PFKP: variants seen among roughly 807,000 people sequenced by gnomAD.
PFKP encodes the protein ATP-dependent 6-phosphofructokinase, platelet type.
Under a neutral mutation model 94.3 loss-of-function variants are expected in PFKP, and 101 were observed. The observed-to-expected ratio is 1.07, with a 90% CI of 0.91 to 1.26. The LOEUF (loss-of-function observed/expected upper bound fraction) is 1.26. Ranked by LOEUF, PFKP falls within the 50% of genes most tolerant of loss-of-function variation. The pLI, the probability that PFKP is intolerant of heterozygous loss-of-function variation, is 0.00. For synonymous variants in PFKP, 573 were observed against 432.6 expected, an observed-to-expected ratio of 1.32 and a Z score of -4.03; for missense variants, 1,145 against 1,103.3, an observed-to-expected ratio of 1.04 and a Z score of -0.53.
chr10:3,135,935 T>G (rs1588594396), intron 21 of PFKP, 97 bp downstream of exon 21: 1 of 745,672 alleles, frequency 1.3e-6, no homozygotes, highest in South Asian at 1.6e-5. Flanking sequence ...CATTCAGGGG[T>G]TTGAGGAACT....
intron 17 of PFKP, among the ~76,000 whole-genome samples, chr10:3,130,531 T>C (rs1428144126): frequency 6.6e-6 from 1 of 152,216 alleles, no homozygotes; most frequent in Non-Finnish European, 1.5e-5. Context: ...TCATGCAAGA[T>C]GACAGGCCTT....
At chr10:3,126,128 A>C (rs1837919761) in intron 16 of PFKP, among the ~76,000 whole-genome samples, 1 of 152,210 alleles carries the variant, frequency 6.6e-6, no homozygotes, top group African/African-American at 2.4e-5. Flanking sequence ...AGTTCAGCTT[A>C]GCACAGAACC....
chr10:3,097,092 C>A (rs113496784), intron 2 of PFKP, among the ~76,000 whole-genome samples: 19,404 of 88,032 alleles, frequency 0.22, 3,842 homozygotes, highest in Non-Finnish European at 0.25. Flanking sequence ...AAACAAAAAA[C>A]AAAAAAACCT....
At chr10:3,107,754 A>G (rs1048883900) in intron 8 of PFKP, 8 of 985,348 alleles carry the variant, frequency 8.1e-6, no homozygotes, top group Non-Finnish European at 9.6e-6. Context: ...ATTCTTACAA[A>G]GCCACTGTGT....
intron 14 of PFKP, among the ~76,000 whole-genome samples, chr10:3,118,375 C>T (rs533957833): frequency 2.0e-5 from 3 of 151,922 alleles, no homozygotes; most frequent in East Asian, 1.9e-4. Context: ...GGCTGAGGCA[C>T]GAGAATCACT....
Position 3,109,272 on chromosome 10 carries a change from T to C in PFKP, c.964-83T>C, listed in dbSNP as rs551941277. ...GGCTGTGAGCACCTGACTGAGGTCA[T>C]TGGACGTCATGGAAAGATAGGAGGT... On this transcript the variant is annotated intron_variant, in intron 9 of 21. Transcript: ENST00000381125. The C allele has an allele frequency of 1.5e-4, 236 of 1,571,384 alleles. 2 individuals are homozygous for C. The highest frequency in any genetic ancestry group is 5.6e-4 in the South Asian group (51 of 90,340).
intron 20 of PFKP, among the ~76,000 whole-genome samples, chr10:3,135,392 T>G (rs1031866526): frequency 2.0e-5 from 3 of 150,894 alleles, no homozygotes; most frequent in Non-Finnish European, 4.4e-5. Flanking sequence ...CTAATTTAGC[T>G]ATGGATGCTT....
intron 7 of PFKP, 77 bp downstream of exon 7, chr10:3,105,578 C>A: frequency 9.7e-7 from 1 of 1,025,710 alleles, no homozygotes; most frequent in Non-Finnish European, 1.5e-6. Flanking sequence ...AGTGGGACGG[C>A]ATTTTAAGCA....
chr10:3,093,638 C>CTTTTTTTTTTTTTTT (rs765547765), intron 2 of PFKP, among the ~76,000 whole-genome samples: 3 of 94,056 alleles, frequency 3.2e-5, no homozygotes, highest in African/African-American at 1.4e-4. Flanking sequence ...CAAGCATTAT[C>CTTTTTTTTTTTTTTT]TTTTTTTTTT....
chr10:3,133,396 G>A (rs1444138338), intron 19 of PFKP, 82 bp downstream of exon 19: 25 of 887,712 alleles, frequency 2.8e-5, no homozygotes, highest in South Asian at 5.3e-5. Context: ...TAGCCATTGT[G>A]GGGAAAAATG....
intron 18 of PFKP, 22 bp from the exon 19 acceptor site, chr10:3,133,181 G>A (rs1156398195): frequency 6.3e-7 from 1 of 1,582,362 alleles, no homozygotes; most frequent in Admixed American, 1.7e-5. Context: ...TAAACAAAGT[G>A]ACTCCTTCTC....
In PFKP at chr10:3,103,909, C is replaced by T. The variant is rs371270142; in HGVS notation, c.585C>T (p.Ile195=). 108 of 1,613,702 alleles carry T rather than the reference C, an allele frequency of 6.7e-5. 1 individual carries two copies. The highest frequency in any genetic ancestry group is 6.6e-4 in the Middle Eastern group (4 of 6,084). ...CGGACTCCGCCCTGCACAGGATCAT[C>T]GAGGTCGTCGACGCCATCATGACCA... The part of the protein sequence containing the change: ...IGTDSALHRI[I]EVVDAIMTTA... Residue 195 remains isoleucine, a synonymous_variant, in exon 5 of 22, where the codon ATC becomes ATT. Transcript: ENST00000381125.
chr10:3,121,882 T>C (rs1288424173), intron 16 of PFKP, among the ~76,000 whole-genome samples: 2 of 140,796 alleles, frequency 1.4e-5, no homozygotes, highest in African/African-American at 5.3e-5. Flanking sequence ...AATGCAGTGC[T>C]GCAATCGCTA....
intron 1 of PFKP, among the ~76,000 whole-genome samples, chr10:3,077,162 G>C (rs1216260743): frequency 6.6e-6 from 1 of 152,056 alleles, no homozygotes; most frequent in Non-Finnish European, 1.5e-5. Context: ...TGTGAGAGAG[G>C]GCGAGGCAGG....
intron 3 of PFKP, among the ~76,000 whole-genome samples, chr10:3,099,591 G>A (rs963355825): frequency 1.3e-5 from 2 of 152,332 alleles, no homozygotes; most frequent in South Asian, 4.1e-4. Context: ...CGCTGAAGAC[G>A]CTCATGGGGC....
chr10:3,136,122 G>A (rs978559791), intron 21 of PFKP, among the ~76,000 whole-genome samples: 1 of 152,146 alleles, frequency 6.6e-6, no homozygotes, highest in African/African-American at 2.4e-5. Context: ...AAATGAGCCA[G>A]GCATGGTGAT....
intron 2 of PFKP, among the ~76,000 whole-genome samples, chr10:3,098,044 AT>A (rs1834636545): frequency 6.6e-6 from 1 of 151,630 alleles, no homozygotes; most frequent in Admixed American, 6.5e-5. Flanking sequence ...TATATATATA[AT>A]ATTTCTGGTA....
intron 21 of PFKP, among the ~76,000 whole-genome samples, 163 bp from the exon 22 acceptor site, chr10:3,136,287 A>AGC (rs1839322947): frequency 6.6e-6 from 1 of 152,156 alleles, no homozygotes; most frequent in Non-Finnish European, 1.5e-5. Context: ...ATAATTTTAA[A>AGC]CAATGGTTTC....
chr10:3,129,511 G>A, intron 16 of PFKP: 1 of 374,360 alleles, frequency 2.7e-6, no homozygotes, highest in Non-Finnish European at 4.9e-6. Flanking sequence ...GAGCTGGCTT[G>A]TGGGGTCGTC....
Sources: allele counts gnomAD v4.1 joint callset (sites outside exome capture counted in the v4.1 genomes callset), GRCh38; gene constraint gnomAD v4.1.1; transcripts MANE v1.5; gene names NCBI Gene and HGNC (gene_info 2026-07-23, HGNC 2026-07-21).